The following TENM4 variants were observed in gnomAD, a reference collection of about 807,000 sequenced individuals.
The protein encoded by TENM4 is teneurin-4.
In TENM4, 82 loss-of-function variants were observed where a neutral mutation model predicts 243.3. That is an observed-to-expected ratio of 0.34 (90% CI 0.28 to 0.40). The LOEUF is 0.40. Among genes scored for constraint, TENM4 ranks in the 10% least tolerant of loss-of-function variants. TENM4 has a pLI of 1.00. For missense variants in TENM4, 3,138 were observed against 3,673.3 expected (o/e 0.85, Z 3.77); for synonymous variants, 1,412 against 1,456.3 (o/e 0.97, Z 0.69).
At chr11:79,276,074 C>T (rs1856050067) in intron 2 of TENM4, among the ~76,000 whole-genome samples, 2 of 151,974 alleles carry the variant, frequency 1.3e-5, no homozygotes, top group Admixed American at 1.3e-4. Context: ...GGGCATCTCA[C>T]CCACCCTCCT....
At chr11:78,896,145 C>T (rs994441095) in intron 7 of TENM4, among the ~76,000 whole-genome samples, 1 of 152,222 alleles carries the variant, frequency 6.6e-6, no homozygotes, top group Non-Finnish European at 1.5e-5. Flanking sequence ...GGTTCACCCT[C>T]TCACAGTGAG....
chr11:79,046,446 TC>T, intron 6 of TENM4, among the ~76,000 whole-genome samples: 1 of 149,146 alleles, frequency 6.7e-6, no homozygotes, highest in African/African-American at 2.6e-5. Context: ...GGATGAACTC[TC>T]CCCCCCAAAA....
intron 1 of TENM4, among the ~76,000 whole-genome samples, chr11:79,405,847 CA>C (rs763128589): frequency 0.15 from 10,329 of 69,408 alleles, 179 homozygotes; most frequent in African/African-American, 0.18. Flanking sequence ...ATTGTGATTT[CA>C]AAAAAAAAAA....
intron 9 of TENM4, among the ~76,000 whole-genome samples, chr11:78,884,899 G>A (rs1364439821): frequency 6.6e-6 from 1 of 152,160 alleles, no homozygotes; most frequent in African/African-American, 2.4e-5. Flanking sequence ...TCTGTCAATT[G>A]CGAATAATAA....
intron 6 of TENM4, among the ~76,000 whole-genome samples, chr11:79,050,233 C>A (rs1859760835): frequency 1.3e-5 from 2 of 152,082 alleles, no homozygotes; most frequent in Admixed American, 6.6e-5. Context: ...TCTTGAAGAG[C>A]TTTTGAAATC....
chr11:79,227,988 T>C (rs1864303549), intron 2 of TENM4, among the ~76,000 whole-genome samples: 1 of 152,226 alleles, frequency 6.6e-6, no homozygotes, highest in African/African-American at 2.4e-5. Flanking sequence ...AAAGTCATTC[T>C]TTATTGAGAG....
chr11:79,045,475 C>T lies in TENM4; in HGVS notation c.493+19263G>A, dbSNP rs1394075336. Among the ~76,000 whole-genome samples, 2 of 152,266 alleles carry T rather than the reference C, an allele frequency of 1.3e-5. 1 individual carries two copies. Among genetic ancestry groups the T allele is most frequent in the Middle Eastern group, 6.8e-3 (2 of 294 alleles). On this transcript the variant is annotated intron_variant, in intron 6 of 33. Transcript: ENST00000278550. ...CGATGACTAGAGGCTCAGCCCTTTCCTCTCCTACCTAGTGTGGTTTGAGGA... is the reference window on the plus strand; with the variant it reads ...CGATGACTAGAGGCTCAGCCCTTTCTTCTCCTACCTAGTGTGGTTTGAGGA...
intron 3 of TENM4, among the ~76,000 whole-genome samples, chr11:79,197,356 A>ATTTG (rs765973755): frequency 0.044 from 4,339 of 99,128 alleles, 84 homozygotes; most frequent in Non-Finnish European, 0.056. Context: ...TTTTTTTTAA[A>ATTTG]AAGCCCCTGC....
At chr11:79,202,652 C>T (rs939548001) in intron 3 of TENM4, among the ~76,000 whole-genome samples, 2 of 152,134 alleles carry the variant, frequency 1.3e-5, no homozygotes, top group African/African-American at 4.8e-5. Context: ...CCAGTGGTGG[C>T]CCCTGGGGAC....
chr11:79,016,720 A>G (rs1008819580), intron 6 of TENM4, among the ~76,000 whole-genome samples: 1 of 152,238 alleles, frequency 6.6e-6, no homozygotes, highest in South Asian at 2.1e-4. Flanking sequence ...TACCCAAATG[A>G]AAGTTCATAG....
chr11:78,710,280 T>C (rs1054366984), intron 26 of TENM4, among the ~76,000 whole-genome samples: 10 of 152,214 alleles, frequency 6.6e-5, no homozygotes, highest in African/African-American at 4.8e-5. Flanking sequence ...TTAATGACCA[T>C]TGTAAAAATG....
intron 1 of TENM4, among the ~76,000 whole-genome samples, chr11:79,327,954 A>G (rs1857000684): frequency 6.6e-6 from 1 of 152,194 alleles, no homozygotes; most frequent in Admixed American, 6.5e-5. Context: ...ACTTAATGAC[A>G]GCCCCACAAC....
chr11:78,775,354 G>C (rs78998558), intron 17 of TENM4, among the ~76,000 whole-genome samples: 1,727 of 152,312 alleles, frequency 0.011, 27 homozygotes, highest in African/African-American at 0.039. Flanking sequence ...GTGGGATTGG[G>C]TCAATGAATC....
chr11:79,347,504 A>G (rs1565309530), intron 1 of TENM4, among the ~76,000 whole-genome samples: 1 of 152,068 alleles, frequency 6.6e-6, no homozygotes, highest in Non-Finnish European at 1.5e-5. Flanking sequence ...CCACTGGAGG[A>G]GGTATAAGGT....
intron 6 of TENM4, among the ~76,000 whole-genome samples, chr11:79,022,694 A>G (rs1428364867): frequency 6.6e-6 from 1 of 152,222 alleles, no homozygotes; most frequent in Non-Finnish European, 1.5e-5. Context: ...AAGGACAAAA[A>G]TTAACTTTGT....
chr11:79,038,210 G>A (rs547633310), intron 6 of TENM4, among the ~76,000 whole-genome samples: 1 of 152,286 alleles, frequency 6.6e-6, no homozygotes, highest in South Asian at 2.1e-4. Flanking sequence ...ATGGATACAT[G>A]GATGAGAGAA....
At chr11:79,417,719 AT>A (rs1239289236) in intron 1 of TENM4, among the ~76,000 whole-genome samples, 2 of 151,940 alleles carry the variant, frequency 1.3e-5, no homozygotes, top group Non-Finnish European at 2.9e-5. Context: ...CTTCATCAGA[AT>A]AGAATCCAAG....
intron 1 of TENM4, among the ~76,000 whole-genome samples, chr11:79,297,901 A>T (rs561514777): frequency 6.6e-6 from 1 of 151,748 alleles, no homozygotes; most frequent in African/African-American, 2.4e-5. Flanking sequence ...ATCTCAACAC[A>T]TTCATGTCCA....
chr11:79,284,989 G>A (rs1856223825), intron 2 of TENM4, among the ~76,000 whole-genome samples: 1 of 152,150 alleles, frequency 6.6e-6, no homozygotes, highest in Non-Finnish European at 1.5e-5. Context: ...TGTAATCCCA[G>A]CATACTTTGG....
Sources: allele counts gnomAD v4.1 joint callset (sites outside exome capture counted in the v4.1 genomes callset), GRCh38; gene constraint gnomAD v4.1.1; transcripts MANE v1.5; gene names NCBI Gene and HGNC (gene_info 2026-07-23, HGNC 2026-07-21).